Variants in C16orf96 observed in about 807,000 individuals in gnomAD.
C16orf96 encodes the protein chromosome 16 open reading frame 96.
In C16orf96, 108 loss-of-function variants were observed where a neutral mutation model predicts 103.6. That is an observed-to-expected ratio of 1.04 (90% confidence interval 0.89 to 1.22). The LOEUF (loss-of-function observed/expected upper bound fraction) is 1.22. Ranked by LOEUF, C16orf96 falls within the 50% of genes most tolerant of loss-of-function variation. C16orf96 has a pLI of 0.00. For missense variants in C16orf96, 1,586 were observed against 1,464.2 expected (o/e 1.08, Z -1.36); for synonymous variants, 566 against 593.5 (o/e 0.95, Z 0.67).
chr16:4,589,971 C>CA (rs1193575730), intron 9 of C16orf96, among the ~76,000 whole-genome samples: 1 of 151,694 alleles, frequency 6.6e-6, no homozygotes, highest in Non-Finnish European at 1.5e-5. Context: ...AAAAATACAA[C>CA]AAAAATTAGC....
intron 1 of C16orf96, among the ~76,000 whole-genome samples, chr16:4,564,125 C>A (rs1331192895): frequency 6.6e-6 from 1 of 151,730 alleles, no homozygotes; most frequent in Non-Finnish European, 1.5e-5. Flanking sequence ...GCCGAGATTG[C>A]GCCACTGCAC....
At chr16:4,557,261 C>T (rs1010328245) in intron 1 of C16orf96, among the ~76,000 whole-genome samples, 6 of 151,916 alleles carry the variant, frequency 3.9e-5, no homozygotes, top group Admixed American at 6.6e-5. Flanking sequence ...TGAGCCACTG[C>T]GCCCAGCCTT....
chr16:4,566,625 G>A (rs1567440925), intron 1 of C16orf96, among the ~76,000 whole-genome samples: 1 of 152,012 alleles, frequency 6.6e-6, no homozygotes, highest in Non-Finnish European at 1.5e-5. Flanking sequence ...TTTGTGGGTT[G>A]TATTTTCATT....
At chr16:4,600,069 C>T (rs1897251008) in intron 15 of C16orf96, 31 bp from the exon 16 acceptor site, 2 of 1,537,514 alleles carry the variant, frequency 1.3e-6, no homozygotes, top group Non-Finnish European at 1.8e-6. Flanking sequence ...GTTCTTGGCA[C>T]ACATCTAGGG....
At chr16:4,563,499 C>T (rs1373737200) in intron 1 of C16orf96, among the ~76,000 whole-genome samples, 4 of 152,190 alleles carry the variant, frequency 2.6e-5, no homozygotes, top group African/African-American at 7.2e-5. Flanking sequence ...AAGTAATCCT[C>T]CCACTTCAGC....
At chr16:4,563,067 C>A in intron 1 of C16orf96, 1 of 829,846 alleles carries the variant, frequency 1.2e-6, no homozygotes, top group South Asian at 1.4e-5. Flanking sequence ...CAAGTTTCGC[C>A]TGTCTTTTGC....
At chr16:4,559,418 G>C (rs2059303858) in intron 1 of C16orf96, among the ~76,000 whole-genome samples, 2 of 151,970 alleles carry the variant, frequency 1.3e-5, no homozygotes, top group Admixed American at 6.6e-5. Flanking sequence ...AGGCATGGTG[G>C]CGCATGCCTG....
chr16:4,543,293 T>G, the C16orf96 span, among the ~76,000 whole-genome samples: 1 of 152,014 alleles, frequency 6.6e-6, no homozygotes, highest in African/African-American at 2.4e-5. Flanking sequence ...ACAGAGTGTG[T>G]GGGGAAATGC....
rs1567446705 is a variant in C16orf96, at chr16:4,576,203, G to GCCGCAGCCTACGCCGCTGCCA, written c.1725_1745dup (p.Ala576_Thr582dup). 5 of 1,550,570 alleles carry GCCGCAGCCTACGCCGCTGCCA rather than the reference G, an allele frequency of 3.2e-6. No homozygotes were observed. The highest frequency in any genetic ancestry group is 3.5e-6 in the Non-Finnish European group (4 of 1,146,950). On this transcript the variant is annotated inframe_insertion, in exon 5 of 16. Coordinates refer to ENST00000444310, the MANE Select transcript of C16orf96 (RefSeq NM_001145011.2). ...CACCGCTGCCATCGCCGCCGCTGCC[G>GCCGCAGCCTACGCCGCTGCCA]CCGCAGCCTACGCCGCTGCCACATC...
intron 6 of C16orf96, among the ~76,000 whole-genome samples, chr16:4,579,634 C>T (rs1429349388): frequency 3.8e-5 from 5 of 131,228 alleles, no homozygotes; most frequent in South Asian, 5.2e-4. Context: ...TTTTTTGAGA[C>T]GGAATCTTGC....
the C16orf96 span, chr16:4,538,933 C>T: frequency 2.0e-5 from 3 of 152,300 alleles, no homozygotes; most frequent in African/African-American, 4.8e-5. Flanking sequence ...TGGTCGGGGC[C>T]TGTTTGCCCA....
chr16:4,564,478 G>A (rs2059366528), intron 1 of C16orf96, among the ~76,000 whole-genome samples: 1 of 152,178 alleles, frequency 6.6e-6, no homozygotes, highest in South Asian at 2.1e-4. Flanking sequence ...CAAAGCACCT[G>A]CTGTATATTG....
chr16:4,600,225 C>A lies in C16orf96; in HGVS notation c.3334C>A (p.Gln1112Lys). The A allele has an allele frequency of 1.3e-6, 2 of 1,551,634 alleles. No individual in the cohort carries two copies. The highest frequency in any genetic ancestry group is 1.7e-6 in the Non-Finnish European group (2 of 1,146,954). ...GCTGATTCCATCCCTAAGGGACCCC[C>A]AGCAGGCCCCAGGGTCCACCAGGCT... is the stretch of plus-strand genomic sequence containing the variant. The part of the protein sequence containing the change: ...PPLIPSLRDP[Q>K]QAPGSTRLSR... Residue 1112 changes from glutamine (Q) to lysine (K), a missense_variant, in exon 16 of 16, where the codon CAG becomes AAG. Coordinates refer to ENST00000444310, the MANE Select transcript of C16orf96 (RefSeq NM_001145011.2).
At chr16:4,590,631 T>A (rs1253945101) in intron 9 of C16orf96, among the ~76,000 whole-genome samples, 2 of 151,950 alleles carry the variant, frequency 1.3e-5, no homozygotes, top group African/African-American at 4.8e-5. Context: ...ACACCTGTAA[T>A]CCCAGCACTT....
At chr16:4,558,484 G>A (rs1055835893) in intron 1 of C16orf96, among the ~76,000 whole-genome samples, 3 of 151,948 alleles carry the variant, frequency 2.0e-5, no homozygotes, top group African/African-American at 4.8e-5. Flanking sequence ...GTGTGGTGGC[G>A]TCCACCTGTA....
At chr16:4,597,384 G>A (rs763533312) in intron 14 of C16orf96, among the ~76,000 whole-genome samples, 1 of 152,128 alleles carries the variant, frequency 6.6e-6, no homozygotes, top group Non-Finnish European at 1.5e-5. Context: ...GCTGCTTGCC[G>A]GGCGGCCAGG....
Position 4,574,710 on chromosome 16 carries a change from T to C in C16orf96, c.527T>C (p.Val176Ala). 1 of 1,551,532 alleles carries C rather than the reference T, an allele frequency of 6.4e-7. No individual in the cohort carries two copies. Among genetic ancestry groups the C allele is most frequent in the Non-Finnish European group, 8.7e-7 (1 of 1,146,848 alleles). ...VDMLKNMLDKVHPERMDIFAE... is the reference protein window; with the variant it reads ...VDMLKNMLDKAHPERMDIFAE... ...CCACAGACTCAGTTCCTTTGACAGG[T>C]ACACCCAGAAAGAATGGACATCTTT... The change falls in exon 3 of 16, where the codon GTA (valine) becomes GCA (alanine). Residue 176 changes from valine to alanine, a missense_variant and splice_region_variant. Coordinates refer to ENST00000444310, the MANE Select transcript of C16orf96 (RefSeq NM_001145011.2).
Position 4,593,539 on chromosome 16 carries a change from T to C in C16orf96, c.2867+223T>C, listed in dbSNP as rs990525307. On this transcript the variant is annotated intron_variant, in intron 12 of 15. Transcript: ENST00000444310. The surrounding 1 kb of genome is among the most constrained non-coding windows in gnomAD (Gnocchi z 4.2). ...GAGGAACTGACATATTTACTGCACA[T>C]CTATTGTGGGCCAGGAACTGTTAGA... is the stretch of plus-strand genomic sequence containing the variant. Among the ~76,000 whole-genome samples, 1 of 150,128 alleles carries C rather than the reference T, an allele frequency of 6.7e-6. No individual in the cohort carries two copies. Among genetic ancestry groups the C allele is most frequent in the African/African-American group, 2.5e-5 (1 of 40,704 alleles).
intron 2 of C16orf96, 139 bp from the exon 3 acceptor site, chr16:4,574,570 C>A: frequency 2.9e-6 from 2 of 681,572 alleles, no homozygotes; most frequent in Admixed American, 5.4e-5. Context: ...GCCCATGGAA[C>A]CCTTTCCCAC....
Sources: allele counts gnomAD v4.1 joint callset (sites outside exome capture counted in the v4.1 genomes callset), GRCh38; gene constraint gnomAD v4.1.1; non-coding constraint Gnocchi (gnomAD v3.1); transcripts MANE v1.5; gene names NCBI Gene and HGNC (gene_info 2026-07-23, HGNC 2026-07-21).